The following TET2 variants were observed in gnomAD, a reference collection of about 807,000 sequenced individuals.
The protein encoded by TET2 is tet methylcytosine dioxygenase 2, also known as methylcytosine dioxygenase TET2.
In TET2, 299 loss-of-function variants were observed where a neutral mutation model predicts 142.9. That is an observed-to-expected ratio of 2.09 (90% CI 1.90 to 2.30). The LOEUF (loss-of-function observed/expected upper bound fraction) is 2.30. Ranked by LOEUF, TET2 falls within the 30% of genes most tolerant of loss-of-function variation. The pLI is 0.00. For synonymous variants in TET2, 819 were observed against 849.0 expected (o/e 0.96, Z 0.61); for missense variants, 2,418 against 2,378.0 (o/e 1.02, Z -0.35).
chr4:105,226,729 T>C (rs898321532), intron 2 of TET2, among the ~76,000 whole-genome samples: 6 of 152,112 alleles, frequency 3.9e-5, no homozygotes, highest in Non-Finnish European at 5.9e-5. Context: ...TTATAAGTTT[T>C]GTAAGGCCTC....
chr4:105,241,974 C>T, intron 4 of TET2: 7 of 1,228,754 alleles, frequency 5.7e-6, no homozygotes, highest in Non-Finnish European at 6.1e-6. Context: ...CACAGGTATA[C>T]AAGTACTTGC....
chr4:105,277,573 T>TGATGAGCAATTGTGTCCATTTTCA lies in TET2; in HGVS notation c.*1076_*1077insCAGATGAGCAATTGTGTCCATTTT, dbSNP rs1249002124. The TGATGAGCAATTGTGTCCATTTTCA allele has an allele frequency of 6.1e-5, 14 of 228,086 alleles. No homozygotes were observed. In the South Asian group the frequency reaches 2.4e-3, roughly 39 times the overall value. The allele number at this position is 228,086 out of a possible 1,614,324, so 14.1% of individuals were successfully genotyped here. ...TTTTTGCTTTTAGCCATGCATCTGC[T>TGATGAGCAATTGTGTCCATTTTCA]GATGAGCAATTGTGTCCATTTTTAA... is the stretch of plus-strand genomic sequence containing the variant. On this transcript the variant is annotated 3_prime_UTR_variant, in exon 11 of 11. Transcript: ENST00000380013.
intron 2 of TET2, among the ~76,000 whole-genome samples, chr4:105,228,291 C>T (rs1728303370): frequency 6.6e-6 from 1 of 152,094 alleles, no homozygotes; most frequent in Non-Finnish European, 1.5e-5. Flanking sequence ...TAACATATAA[C>T]TTTCCTGCCC....
chr4:105,192,790 A>C (rs1402882168), intron 2 of TET2, among the ~76,000 whole-genome samples: 3 of 152,310 alleles, frequency 2.0e-5, no homozygotes, highest in South Asian at 2.1e-4. Context: ...AGAAGTGCTA[A>C]GTTTTAAAAA....
rs192735369 is a variant in TET2 at position 105,216,700 on chromosome 4, G to A, written c.-46-17197G>A. Among the ~76,000 whole-genome samples the A allele has an allele frequency of 5.9e-4, 89 of 151,930 alleles. No individual in the cohort carries two copies. The South Asian group carries it at 6.2e-3, about 11-fold the overall frequency. On this transcript the variant is annotated intron_variant, in intron 2 of 10. Transcript: ENST00000380013. ...TGTTTTCCTCTACAATCCTGTTTTT[G>A]TTCTATGAAAAATGCCATAAACTTG... is the stretch of plus-strand genomic sequence containing the variant.
chr4:105,263,798 A>G (rs1730557036), intron 8 of TET2, among the ~76,000 whole-genome samples: 1 of 152,128 alleles, frequency 6.6e-6, no homozygotes, highest in African/African-American at 2.4e-5. Flanking sequence ...CATTTTAGGC[A>G]TGAGTGGAGG....
chr4:105,161,428 C>T (rs1049312275), intron 1 of TET2, among the ~76,000 whole-genome samples: 3 of 152,018 alleles, frequency 2.0e-5, no homozygotes, highest in East Asian at 1.9e-4. Context: ...TTTTTAGTGT[C>T]GGACTATAAA....
chr4:105,214,147 C>T (rs1231795199), intron 2 of TET2, among the ~76,000 whole-genome samples: 5 of 151,880 alleles, frequency 3.3e-5, no homozygotes, highest in African/African-American at 7.3e-5. Flanking sequence ...TGTCATGTTA[C>T]GATATATATT....
At chr4:105,194,818 C>T (rs901321397) in intron 2 of TET2, among the ~76,000 whole-genome samples, 1 of 152,122 alleles carries the variant, frequency 6.6e-6, no homozygotes, top group Non-Finnish European at 1.5e-5. Flanking sequence ...CTTTACAATT[C>T]TTTATACACT....
chr4:105,211,996 C>A (rs943188352), intron 2 of TET2, among the ~76,000 whole-genome samples: 2 of 152,196 alleles, frequency 1.3e-5, no homozygotes, highest in Admixed American at 6.5e-5. Context: ...ATTCACCCTG[C>A]ATATAACAGT....
chr4:105,238,147 A>G (rs1366412150), intron 3 of TET2: 1 of 221,848 alleles, frequency 4.5e-6, no homozygotes, highest in Non-Finnish European at 9.8e-6. Flanking sequence ...AAAAATATAT[A>G]CTTTAAAAAT....
At chr4:105,264,867 A>ATCTC (rs906998971) in intron 8 of TET2, among the ~76,000 whole-genome samples, 1 of 152,152 alleles carries the variant, frequency 6.6e-6, no homozygotes, top group Non-Finnish European at 1.5e-5. Flanking sequence ...TGAGTGTCGT[A>ATCTC]TCTCTATTTC....
intron 3 of TET2, chr4:105,237,837 T>C (rs1230170858): frequency 5.5e-6 from 6 of 1,091,394 alleles, no homozygotes; most frequent in Non-Finnish European, 6.8e-6. Flanking sequence ...TCTTCATGAG[T>C]TGGGGGAAAT....
At position 105,222,860 on chromosome 4, in the gene TET2, A is replaced by C. The variant is rs565206936; in HGVS notation, c.-46-11037A>C. On this transcript the variant is annotated intron_variant, in intron 2 of 10. Transcript: ENST00000380013. ...TTTTATGGTTTTAGGTCTAACGTTT[A>C]AGTCTTTAATCCATCTTGAATTGAT... Among the ~76,000 whole-genome samples the C allele has an allele frequency of 2.0e-3, 310 of 152,170 alleles. 1 individual carries two copies. The highest frequency in any genetic ancestry group is 7.1e-3 in the African/African-American group (293 of 41,476).
At chr4:105,244,598 T>C (rs758143666) in intron 6 of TET2, among the ~76,000 whole-genome samples, 13,407 of 141,320 alleles carry the variant, frequency 0.095, 1,369 homozygotes, top group Non-Finnish European at 0.15. Context: ...TTTTTTTTTT[T>C]TTTTTTTTTT....
Position 105,275,690 on chromosome 4 carries a change from A to G in TET2, c.5180A>G (p.His1727Arg). The change falls in exon 11 of 11, where the codon CAT becomes CGT. Residue 1727 changes from histidine (H) to arginine (R), a missense_variant. Physicochemically the swap from His to Arg is conservative, Grantham distance 29 (BLOSUM62 0). Transcript: ENST00000380013. ...GGGAAATTGCCTCCTTATCCCACTC[A>G]TGAGATGGATGGCCACTTCATGGGA... ...HVGKLPPYPT[H>R]EMDGHFMGAT... The G allele has an allele frequency of 1.9e-6, 3 of 1,551,868 alleles. No homozygotes were observed. The South Asian group carries it at 3.6e-5, about 18-fold the overall frequency.
intron 1 of TET2, among the ~76,000 whole-genome samples, chr4:105,163,848 AGAGAGAGTGTGTGTGTGTGT>A (rs1724004212): frequency 8.8e-6 from 1 of 113,576 alleles, no homozygotes; most frequent in East Asian, 2.5e-4. Flanking sequence ...AGAGAGAGAG[AGAGAGAGTGTGTGTGTGTGT>A]GTGTGTGTGT....
At chr4:105,172,189 A>G (rs1030808679) in intron 1 of TET2, among the ~76,000 whole-genome samples, 3 of 152,166 alleles carry the variant, frequency 2.0e-5, no homozygotes, top group African/African-American at 7.2e-5. Flanking sequence ...ATGGAGGTTA[A>G]GAGCACCAAC....
chr4:105,250,670 G>A (rs1729828466), intron 6 of TET2, among the ~76,000 whole-genome samples: 1 of 151,854 alleles, frequency 6.6e-6, no homozygotes, highest in African/African-American at 2.4e-5. Context: ...GTAATGTTTT[G>A]GATGAAACAT....
Sources: gnomAD v4.1 joint callset for allele counts (sites outside exome capture counted in the v4.1 genomes callset) on GRCh38, gnomAD v4.1.1 for gene constraint, MANE v1.5 for transcripts, NCBI Gene and HGNC (gene_info 2026-07-23, HGNC 2026-07-21) for gene names.